Variants in ATP6V1E2 observed in about 807,000 individuals in gnomAD.
The protein encoded by ATP6V1E2 is V-type proton ATPase subunit E 2.
For missense variants in ATP6V1E2, 308 were observed against 273.3 expected (o/e 1.13, Z -0.90); for synonymous variants, 121 against 104.2 (o/e 1.16, Z -0.98).
intron 4 of ATP6V1E2, among the ~76,000 whole-genome samples, chr2:46,522,568 A>C (rs1017046319): frequency 2.0e-5 from 3 of 152,176 alleles, no homozygotes; most frequent in Non-Finnish European, 4.4e-5. Flanking sequence ...AAAGGATATG[A>C]TCTCATTCCT....
At chr2:46,526,898 G>A (rs1371667029) in intron 4 of ATP6V1E2, among the ~76,000 whole-genome samples, 1 of 152,140 alleles carries the variant, frequency 6.6e-6, no homozygotes, top group Admixed American at 6.5e-5. Flanking sequence ...ATGCCTAGAA[G>A]TAGAATTGCT....
chr2:46,536,226 T>C (rs954212477), intron 3 of ATP6V1E2, among the ~76,000 whole-genome samples: 4 of 152,246 alleles, frequency 2.6e-5, no homozygotes, highest in African/African-American at 7.2e-5. Context: ...GTTTCTGGTA[T>C]GTAATCAACT....
intron 4 of ATP6V1E2, among the ~76,000 whole-genome samples, chr2:46,528,897 A>G (rs1318189733): frequency 6.6e-6 from 1 of 152,180 alleles, no homozygotes; most frequent in Non-Finnish European, 1.5e-5. Flanking sequence ...CACAAAGCCC[A>G]TGGGTTTGTC....
At chr2:46,518,526 A>ACAG (rs59512948) in intron 4 of ATP6V1E2, among the ~76,000 whole-genome samples, 1 of 90,640 alleles carries the variant, frequency 1.1e-5, no homozygotes, top group African/African-American at 3.6e-5. Flanking sequence ...CACACACACA[A>ACAG]ATGCTATCCC....
chr2:46,527,201 A>G (rs1419679790), intron 4 of ATP6V1E2, among the ~76,000 whole-genome samples: 1 of 151,916 alleles, frequency 6.6e-6, no homozygotes, highest in African/African-American at 2.4e-5. Context: ...CTACAGGTGC[A>G]CACCATCGTG....
At chr2:46,523,408 T>C (rs908230313) in intron 4 of ATP6V1E2, among the ~76,000 whole-genome samples, 1 of 152,236 alleles carries the variant, frequency 6.6e-6, no homozygotes, top group Non-Finnish European at 1.5e-5. Flanking sequence ...AAGTTAATTT[T>C]TACATAAGGT....
At chr2:46,515,003 C>T (rs1174881888) in intron 4 of ATP6V1E2, among the ~76,000 whole-genome samples, 1 of 151,224 alleles carries the variant, frequency 6.6e-6, no homozygotes, top group Non-Finnish European at 1.5e-5. Flanking sequence ...GAAAAAAAAA[C>T]CCTGCTAATC....
chr2:46,532,127 A>G (rs1667211314), intron 4 of ATP6V1E2, among the ~76,000 whole-genome samples: 1 of 152,200 alleles, frequency 6.6e-6, no homozygotes, highest in Non-Finnish European at 1.5e-5. Context: ...GTTTTCTCCT[A>G]AAAGTTTATG....
At chr2:46,525,464 AAAAAAAAAAAAAG>A (rs1361227673) in intron 4 of ATP6V1E2, among the ~76,000 whole-genome samples, 24 of 128,364 alleles carry the variant, frequency 1.9e-4, no homozygotes, top group East Asian at 3.4e-4. Context: ...TCCGTCTCAA[AAAAAAAAAAAAAG>A]AAAAAAAAAA....
chr2:46,529,140 A>T (rs1300265687), intron 4 of ATP6V1E2, among the ~76,000 whole-genome samples: 1 of 152,214 alleles, frequency 6.6e-6, no homozygotes, highest in African/African-American at 2.4e-5. Context: ...GACAGCCCCA[A>T]GAGGGAGGGC....
rs1399093370 is a variant in ATP6V1E2 at position 46,532,067 on chromosome 2, G to T, written c.-102+3746C>A. Reference sequence around the variant, plus strand: ...GAAGTCCAGTTTTGGTTTTACTTTTGTTGTTATGCTTTTGACATCATATAT... The same window carrying T: ...GAAGTCCAGTTTTGGTTTTACTTTTTTTGTTATGCTTTTGACATCATATAT... On this transcript the variant is annotated intron_variant, in intron 4 of 4. Coordinates refer to ENST00000522587, the MANE Select transcript of ATP6V1E2 (RefSeq NM_001318063.2). Among the ~76,000 whole-genome samples the T allele has an allele frequency of 2.6e-5, 4 of 152,238 alleles. No homozygotes were observed. In the East Asian group the frequency reaches 7.7e-4, roughly 29 times the overall value.
chr2:46,525,641 G>A (rs1455579802), intron 4 of ATP6V1E2, among the ~76,000 whole-genome samples: 1 of 152,130 alleles, frequency 6.6e-6, no homozygotes, highest in African/African-American at 2.4e-5. Context: ...AGTTGCTGAT[G>A]AGTAAGGAGC....
At chr2:46,529,804 C>T (rs60624247) in intron 4 of ATP6V1E2, among the ~76,000 whole-genome samples, 29,303 of 151,590 alleles carry the variant, frequency 0.19, 3,004 homozygotes, top group African/African-American at 0.28. Flanking sequence ...TTTATTGAAC[C>T]CATGGATGAA....
chr2:46,522,406 C>G (rs1051552319), intron 4 of ATP6V1E2, among the ~76,000 whole-genome samples: 1 of 152,102 alleles, frequency 6.6e-6, no homozygotes, highest in Admixed American at 6.6e-5. Context: ...CCCCACCCCC[C>G]AAAAAGCCCT....
rs114960264 is a variant in ATP6V1E2 at position 46,524,647 on chromosome 2, G to A, written c.-102+11166C>T. Among the ~76,000 whole-genome samples, 394 of 152,274 alleles carry A rather than the reference G, an allele frequency of 2.6e-3. 3 individuals carry two copies. Among genetic ancestry groups the A allele is most frequent in the African/African-American group, 9.0e-3 (376 of 41,554 alleles). On this transcript the variant is annotated intron_variant, in intron 4 of 4. Transcript: ENST00000522587. ...CTTCAGCCGAGGTAGCAGCCCTGTG[G>A]GCAAGGGGCCAGTCAGGGAGGGAGT...
At chr2:46,524,184 T>C (rs1208570201) in intron 4 of ATP6V1E2, among the ~76,000 whole-genome samples, 1 of 152,202 alleles carries the variant, frequency 6.6e-6, no homozygotes, top group Non-Finnish European at 1.5e-5. Flanking sequence ...AAACAGCAAC[T>C]TGACTTCCTC....
chr2:46,538,159 C>T (rs796659357), intron 2 of ATP6V1E2, among the ~76,000 whole-genome samples: 1 of 152,162 alleles, frequency 6.6e-6, no homozygotes, highest in Admixed American at 6.5e-5. Context: ...ATGCTTGGGT[C>T]AGACTGTTGT....
intron 2 of ATP6V1E2, chr2:46,537,562 A>C (rs1337654094): frequency 1.3e-5 from 2 of 152,114 alleles, no homozygotes; most frequent in Non-Finnish European, 2.9e-5. Flanking sequence ...GTTGACTCAT[A>C]GAGAAGAAGA....
intron 4 of ATP6V1E2, among the ~76,000 whole-genome samples, chr2:46,533,208 TA>T (rs1667271796): frequency 1.6e-4 from 1 of 6,082 alleles, no homozygotes; most frequent in Admixed American, 2.4e-3. Context: ...TATGTGTAGA[TA>T]GATAGATAGA....
Sources: gnomAD v4.1 joint callset for allele counts (sites outside exome capture counted in the v4.1 genomes callset) on GRCh38, gnomAD v4.1.1 for gene constraint, MANE v1.5 for transcripts, NCBI Gene and HGNC (gene_info 2026-07-23, HGNC 2026-07-21) for gene names.